SPNS2: variants seen among roughly 807,000 people sequenced by gnomAD.
SPNS2 encodes sphingosine-1-phosphate transporter SPNS2.
A neutral mutation model predicts 57.6 loss-of-function variants in SPNS2; 37 were observed. The observed-to-expected ratio is 0.64, with a 90% CI of 0.49 to 0.85. SPNS2 has a LOEUF of 0.85. Among genes scored for constraint, SPNS2 ranks in the 40% least tolerant of loss-of-function variants. SPNS2 has a pLI of 0.00. For synonymous variants in SPNS2, 440 were observed against 346.9 expected, an observed-to-expected ratio of 1.27 and a Z score of -2.98; for missense variants, 831 against 779.1, an observed-to-expected ratio of 1.07 and a Z score of -0.79.
chr17:4,525,478 A>T (rs1905243709), intron 3 of SPNS2, among the ~76,000 whole-genome samples: 1 of 152,192 alleles, frequency 6.6e-6, no homozygotes, highest in African/African-American at 2.4e-5. Flanking sequence ...GCAAAGAACA[A>T]GTCTGGCCTA....
Position 4,536,841 on chromosome 17 carries a change from G to C in SPNS2, c.1608-59G>C, listed in dbSNP as rs539029827. The C allele has an allele frequency of 1.1e-5, 16 of 1,439,370 alleles. No homozygotes were observed. The African/African-American group carries it at 2.1e-4, about 19-fold the overall frequency. 89.2% of individuals were successfully genotyped at this position (1,439,370 alleles called of 1,614,324 possible). On this transcript the variant is annotated intron_variant, in intron 11 of 12. Coordinates refer to ENST00000329078, the MANE Select transcript of SPNS2 (RefSeq NM_001124758.3). The stretch of plus-strand genomic sequence containing the variant: ...CCCCACGACACGATGTGCCAGAGCA[G>C]TGCCCGGGCCCGGCCCCCGCTGATG...
intron 6 of SPNS2, 60 bp from the exon 7 acceptor site, chr17:4,532,917 G>A (rs557032191): frequency 2.0e-5 from 31 of 1,563,080 alleles, no homozygotes; most frequent in Non-Finnish European, 2.6e-5. Context: ...AGTGCATGGG[G>A]CTGCCTAGGG....
intron 2 of SPNS2, among the ~76,000 whole-genome samples, chr17:4,523,205 C>T (rs1401919136): frequency 1.3e-5 from 2 of 151,626 alleles, no homozygotes; most frequent in East Asian, 3.9e-4. Context: ...TGGGAGGCCG[C>T]GGCAGGTAGA....
chr17:4,533,166 G>A (rs1905578572), intron 7 of SPNS2, 37 bp downstream of exon 7: 1 of 1,585,156 alleles, frequency 6.3e-7, no homozygotes. Flanking sequence ...GCTGGTGAGG[G>A]ACCTCGGACA....
chr17:4,504,768 G>A (rs1010478738), intron 1 of SPNS2, among the ~76,000 whole-genome samples: 1 of 151,978 alleles, frequency 6.6e-6, no homozygotes, highest in Non-Finnish European at 1.5e-5. Context: ...CTTCTGGGCT[G>A]AGCTTCCTGT....
Position 4,538,788 on chromosome 17 carries a change from CCTGA to C in SPNS2, c.*1342_*1345del. On this transcript the variant is annotated 3_prime_UTR_variant, in exon 13 of 13. Coordinates refer to ENST00000329078, the MANE Select transcript of SPNS2 (RefSeq NM_001124758.3). ...ACCAAGCTCTGGGGTACCCCGAGGG[CCTGA>C]CAAGAGGATGGGGTGGGGGTGGCAT... 1.3e-6 allele frequency: 1 copy of C among 750,904 alleles called. No individual in the cohort carries two copies. The highest frequency in any genetic ancestry group is 2.4e-6 in the Non-Finnish European group (1 of 409,940). 46.5% of individuals were successfully genotyped at this position (750,904 alleles called of 1,614,324 possible).
chr17:4,513,158 GC>G (rs1904890287), intron 1 of SPNS2, 88 bp from the exon 2 acceptor site: 2 of 1,429,064 alleles, frequency 1.4e-6, no homozygotes, highest in Non-Finnish European at 2.0e-6. Context: ...GCCAGGCTGG[GC>G]CCTGCAAGGC....
chr17:4,538,251 C>A lies in SPNS2; in HGVS notation c.*803C>A, dbSNP rs1044857903. The stretch of plus-strand genomic sequence containing the variant: ...GGCTTCTCTCCCTGCCACCACCCCC[C>A]AAGCCAGGACCCCACTCCTTCCCCG... On this transcript the variant is annotated 3_prime_UTR_variant, in exon 13 of 13. Transcript: ENST00000329078. The A allele has an allele frequency of 1.5e-5, 3 of 198,502 alleles. No individual in the cohort carries two copies. The Admixed American group carries it at 1.6e-4, about 11-fold the overall frequency. The allele number at this position is 198,502 out of a possible 1,614,324, so 12.3% of individuals were successfully genotyped here.
chr17:4,515,474 C>A (rs1421326629), intron 2 of SPNS2, among the ~76,000 whole-genome samples: 1 of 152,128 alleles, frequency 6.6e-6, no homozygotes, highest in African/African-American at 2.4e-5. Flanking sequence ...TGCCTCTGGG[C>A]CATGGTGAGA....
chr17:4,538,002 A>T lies in SPNS2; in HGVS notation c.*554A>T, dbSNP rs916340846. Reference sequence around the variant, plus strand: ...CAGCTGGGCCTCGGACCTTGGGGATATTGGACGCAACCTGGCAAATGAAGC... The same window carrying T: ...CAGCTGGGCCTCGGACCTTGGGGATTTTGGACGCAACCTGGCAAATGAAGC... On this transcript the variant is annotated 3_prime_UTR_variant, in exon 13 of 13. Coordinates refer to ENST00000329078, the MANE Select transcript of SPNS2 (RefSeq NM_001124758.3). The T allele has an allele frequency of 1.7e-5, 6 of 352,090 alleles. No individual in the cohort carries two copies. The highest frequency in any genetic ancestry group is 1.3e-4 in the African/African-American group (6 of 46,660). The allele number at this position is 352,090 out of a possible 1,614,324, so 21.8% of individuals were successfully genotyped here.
chr17:4,528,998 G>T (rs1368808089), intron 3 of SPNS2, among the ~76,000 whole-genome samples: 1 of 150,668 alleles, frequency 6.6e-6, no homozygotes. Flanking sequence ...GTGCAGTGGC[G>T]CAATCTTGGC....
intron 2 of SPNS2, among the ~76,000 whole-genome samples, chr17:4,517,878 A>G (rs1223743770): frequency 6.6e-6 from 1 of 152,262 alleles, no homozygotes; most frequent in African/African-American, 2.4e-5. Context: ...CGAAAATACC[A>G]GAAGTGAAAA....
chr17:4,501,536 C>A (rs1394386069), intron 1 of SPNS2, among the ~76,000 whole-genome samples: 1 of 152,182 alleles, frequency 6.6e-6, no homozygotes, highest in Non-Finnish European at 1.5e-5. Flanking sequence ...TGCCTCCCTC[C>A]CTCTCCTGGC....
intron 5 of SPNS2, among the ~76,000 whole-genome samples, 168 bp from the exon 6 acceptor site, chr17:4,532,374 C>T (rs1905526102): frequency 6.6e-6 from 1 of 152,202 alleles, no homozygotes; most frequent in Non-Finnish European, 1.5e-5. Flanking sequence ...TCTTGACCGA[C>T]CTCAGCCCCA....
At chr17:4,527,003 C>A (rs1905277488) in intron 3 of SPNS2, among the ~76,000 whole-genome samples, 1 of 152,230 alleles carries the variant, frequency 6.6e-6, no homozygotes, top group African/African-American at 2.4e-5. Flanking sequence ...TGGTCACCAA[C>A]CTCTGAGGCT....
Position 4,538,631 on chromosome 17 carries a change from G to A in SPNS2, c.*1183G>A. 2.0e-6 allele frequency: 1 copy of A among 492,700 alleles called. No individual in the cohort carries two copies. The highest frequency in any genetic ancestry group is 3.8e-5 in the East Asian group (1 of 26,394). The allele number at this position is 492,700 out of a possible 1,614,324, so 30.5% of individuals were successfully genotyped here. ...CAATCAAGGTGGTTCTGGTGCGGGG[G>A]TGGGGTGGGGGGTGAGGCCTTGTGG... is the stretch of plus-strand genomic sequence containing the variant. On this transcript the variant is annotated 3_prime_UTR_variant, in exon 13 of 13. Transcript: ENST00000329078.
chr17:4,502,926 G>A (rs992296387), intron 1 of SPNS2, among the ~76,000 whole-genome samples: 1 of 152,196 alleles, frequency 6.6e-6, no homozygotes, highest in Non-Finnish European at 1.5e-5. Flanking sequence ...GCGCCACCCG[G>A]TGAACCTGCT....
Position 4,532,650 on chromosome 17 carries a change from T to C in SPNS2, c.901T>C (p.Ser301Pro), listed in dbSNP as rs1188786255. The C allele has an allele frequency of 6.2e-7, 1 of 1,613,930 alleles. No homozygotes were observed. Among genetic ancestry groups the C allele is most frequent in the Non-Finnish European group, 8.5e-7 (1 of 1,179,962 alleles). Residue 301 changes from serine to proline, a missense_variant, in exon 6 of 13, where the codon TCA becomes CCA. This residue lies in a region of SPNS2 where 526 missense variants were observed against 400.9 expected (regional missense o/e 1.31). Transcript: ENST00000329078. ...QLGDQLKART[S>P]WLRDMKALIR... ...CGGGGACCAGCTCAAGGCCCGGACC[T>C]CATGGCTCCGAGATATGAAGGCCCT...
intron 3 of SPNS2, among the ~76,000 whole-genome samples, chr17:4,528,109 G>A (rs1178814393): frequency 1.3e-5 from 2 of 151,724 alleles, no homozygotes; most frequent in Admixed American, 6.6e-5. Flanking sequence ...TGCAACCTCC[G>A]CCTCCCGGGT....
Sources: allele counts gnomAD v4.1 joint callset (sites outside exome capture counted in the v4.1 genomes callset), GRCh38; gene constraint gnomAD v4.1.1; regional missense constraint gnomAD v4.1.1; transcripts MANE v1.5; gene names NCBI Gene and HGNC (gene_info 2026-07-23, HGNC 2026-07-21).